Variants in RAF1 observed in about 807,000 individuals in gnomAD.
The protein encoded by RAF1 is RAF proto-oncogene serine/threonine-protein kinase.
Under a neutral mutation model 81.1 loss-of-function variants are expected in RAF1, and 27 were observed. That is an observed-to-expected ratio of 0.33 (90% CI 0.25 to 0.46). RAF1 has a LOEUF of 0.46. Among genes scored for constraint, RAF1 ranks in the 20% least tolerant of loss-of-function variants. RAF1 has a pLI of 1.00. For synonymous variants in RAF1, 298 were observed against 294.0 expected (o/e 1.01, Z -0.14); for missense variants, 598 against 826.0 (o/e 0.72, Z 3.38).
At chr3:12,628,605 A>T (rs1157615363) in intron 1 of RAF1, among the ~76,000 whole-genome samples, 1 of 152,050 alleles carries the variant, frequency 6.6e-6, no homozygotes, top group Admixed American at 6.6e-5. Flanking sequence ...TCAGTATATT[A>T]TACTATCATT....
intron 1 of RAF1, among the ~76,000 whole-genome samples, chr3:12,663,483 A>C (rs2060947548): frequency 6.6e-6 from 1 of 152,200 alleles, no homozygotes; most frequent in Non-Finnish European, 1.5e-5. Flanking sequence ...GGCCCATCCA[A>C]GTGACAACAG....
intron 8 of RAF1, among the ~76,000 whole-genome samples, chr3:12,602,944 T>C (rs2058908112): frequency 6.6e-6 from 1 of 152,184 alleles, no homozygotes; most frequent in South Asian, 2.1e-4. Flanking sequence ...TGGTTACTAA[T>C]GTATAAACAG....
At chr3:12,604,615 T>A (rs746624262) in intron 6 of RAF1, among the ~76,000 whole-genome samples, 1 of 152,184 alleles carries the variant, frequency 6.6e-6, no homozygotes, top group African/African-American at 2.4e-5. Context: ...AGATTAACAT[T>A]TGACAACCAC....
rs138991559 is a variant in RAF1 at position 12,662,519 on chromosome 3, T to C, written c.-27+1294A>G. 3.4e-3 allele frequency among the ~76,000 whole-genome samples: 515 copies of C among 152,016 alleles called. 1 individual carries two copies. The highest frequency in any genetic ancestry group is 5.4e-3 in the Non-Finnish European group (366 of 67,994). On this transcript the variant is annotated intron_variant, in intron 1 of 17. Transcript: ENST00000442415. ...AGACTCGGCAACCCATGTACAATAA[T>C]CCAAATTCAACTAGTTCACTATCTA...
intron 11 of RAF1, among the ~76,000 whole-genome samples, chr3:12,596,446 G>C (rs2125365325): frequency 6.6e-6 from 1 of 151,950 alleles, no homozygotes; most frequent in African/African-American, 2.4e-5. Flanking sequence ...TCCCTGCCTT[G>C]GCCTCCCAAA....
At chr3:12,625,754 C>A (rs562499303) in intron 1 of RAF1, among the ~76,000 whole-genome samples, 2 of 152,032 alleles carry the variant, frequency 1.3e-5, no homozygotes, top group Admixed American at 1.3e-4. Flanking sequence ...GCCAGGAGTT[C>A]GAGGCTGTAG....
intron 1 of RAF1, among the ~76,000 whole-genome samples, chr3:12,649,680 T>C (rs1010170582): frequency 2.6e-5 from 4 of 152,110 alleles, no homozygotes; most frequent in African/African-American, 4.8e-5. Context: ...CCCTGCTATT[T>C]TGCCAGAGGA....
At chr3:12,629,691 G>C (rs1193862693) in intron 1 of RAF1, among the ~76,000 whole-genome samples, 2 of 152,194 alleles carry the variant, frequency 1.3e-5, no homozygotes, top group African/African-American at 4.8e-5. Flanking sequence ...CCTAAGATGA[G>C]GTGACAGATT....
chr3:12,634,134 C>G (rs2059947708), intron 1 of RAF1, among the ~76,000 whole-genome samples: 1 of 137,886 alleles, frequency 7.3e-6, no homozygotes, highest in Non-Finnish European at 1.5e-5. Flanking sequence ...AAATTTGAAC[C>G]TCCATGATTC....
At chr3:12,649,586 CT>C (rs2060457449) in intron 1 of RAF1, among the ~76,000 whole-genome samples, 1 of 74,066 alleles carries the variant, frequency 1.4e-5, no homozygotes, top group Admixed American at 1.7e-4. Context: ...GGGCCAGAGA[CT>C]GTCACACACA....
chr3:12,587,837 C>G (rs910374860), intron 13 of RAF1, 200 bp from the exon 13 acceptor site: 1 of 188,432 alleles, frequency 5.3e-6, no homozygotes, highest in African/African-American at 3.2e-5. Flanking sequence ...ATGCTTACAC[C>G]TTTTTTTTTT....
chr3:12,609,388 T>A (rs111596399), intron 3 of RAF1, 53 bp from the exon 4 acceptor site: 1 of 1,214,834 alleles, frequency 8.2e-7, no homozygotes, highest in Admixed American at 1.7e-5. Context: ...CAAAGTTCAA[T>A]AGAAATAACA....
intron 1 of RAF1, among the ~76,000 whole-genome samples, chr3:12,656,982 A>G (rs553865145): frequency 6.7e-6 from 1 of 149,104 alleles, no homozygotes; most frequent in South Asian, 2.1e-4. Context: ...TTGTGATAAG[A>G]GTGAAACTCC....
rs752264631 is a variant in RAF1, at chr3:12,609,354, A to G, written c.321-19T>C. 1 of 1,534,456 alleles carries G rather than the reference A, an allele frequency of 6.5e-7. No homozygotes were observed. Among genetic ancestry groups the G allele is most frequent in the South Asian group, 1.1e-5 (1 of 89,462 alleles). The stretch of plus-strand genomic sequence containing the variant: ...TTTTTTACTAGAAAGGATTTAAAAA[A>G]AACATGAAATGTTTAAACAAGATCA... On this transcript the variant is annotated intron_variant, in intron 3 of 17. Coordinates refer to ENST00000442415, the MANE Select transcript of RAF1 (RefSeq NM_001354689.3).
chr3:12,635,983 A>C (rs1220926904), intron 1 of RAF1, among the ~76,000 whole-genome samples: 12 of 147,616 alleles, frequency 8.1e-5, no homozygotes, highest in Admixed American at 1.4e-4. Flanking sequence ...AAAAAAAAAA[A>C]CATTAATAAT....
At chr3:12,599,540 A>G (rs1238628068) in intron 11 of RAF1, 151 bp downstream of exon 10, 1 of 656,162 alleles carries the variant, frequency 1.5e-6, no homozygotes, top group Admixed American at 2.7e-5. Context: ...AAAAGAATTA[A>G]GTTCAATCTT....
At chr3:12,626,162 G>T (rs2059695245) in intron 1 of RAF1, among the ~76,000 whole-genome samples, 1 of 147,990 alleles carries the variant, frequency 6.8e-6, no homozygotes, top group East Asian at 2.0e-4. Flanking sequence ...AGCAATCCCA[G>T]CTACTCAAGA....
At chr3:12,603,653 A>C (rs1161769864) in intron 7 of RAF1, 1 of 558,918 alleles carries the variant, frequency 1.8e-6, no homozygotes, top group African/African-American at 1.9e-5. Flanking sequence ...GACATAACCA[A>C]AAAGCCAAGA....
intron 11 of RAF1, among the ~76,000 whole-genome samples, chr3:12,593,626 G>GA (rs1263695468): frequency 5.9e-5 from 9 of 152,016 alleles, no homozygotes; most frequent in Non-Finnish European, 1.3e-4. Flanking sequence ...CTTCTATCTA[G>GA]AAAAATGGAT....
Sources: gnomAD v4.1 joint callset for allele counts (sites outside exome capture counted in the v4.1 genomes callset) on GRCh38, gnomAD v4.1.1 for gene constraint, MANE v1.5 for transcripts, NCBI Gene and HGNC (gene_info 2026-07-23, HGNC 2026-07-21) for gene names.